Variants in JAKMIP1 observed in about 807,000 individuals in gnomAD.
JAKMIP1 encodes janus kinase and microtubule interacting protein 1.
JAKMIP1 carries 33 observed loss-of-function variants against 113.0 expected under a neutral mutation model. The observed-to-expected ratio is 0.29, with a 90% CI of 0.22 to 0.39. The LOEUF (loss-of-function observed/expected upper bound fraction) is 0.39, where lower values mean the gene tolerates loss of function less well. JAKMIP1 is among the 10% of genes least tolerant of loss of function. JAKMIP1 has a pLI of 1.00. For synonymous variants in JAKMIP1, 480 were observed against 459.9 expected, an observed-to-expected ratio of 1.04 and a Z score of -0.56; for missense variants, 813 against 1,080.5, an observed-to-expected ratio of 0.75 and a Z score of 3.47.
chr4:6,062,549 A>T, intron 9 of JAKMIP1, 109 bp from the exon 10 acceptor site: 3 of 1,200,712 alleles, frequency 2.5e-6, no homozygotes, highest in Non-Finnish European at 1.2e-6. Context: ...TATGGCTTTG[A>T]GTGCCAGGGT....
At chr4:6,057,331 G>A (rs1716612460) in intron 11 of JAKMIP1, among the ~76,000 whole-genome samples, 1 of 152,206 alleles carries the variant, frequency 6.6e-6, no homozygotes, top group South Asian at 2.1e-4. Context: ...CGCATGGGAA[G>A]CCCTCTCCAA....
At chr4:6,195,666 G>A (rs1727756039) in intron 1 of JAKMIP1, among the ~76,000 whole-genome samples, 1 of 152,138 alleles carries the variant, frequency 6.6e-6, no homozygotes, top group South Asian at 2.1e-4. Flanking sequence ...AATCCCTGGC[G>A]AGCTTCAGAG....
intron 2 of JAKMIP1, among the ~76,000 whole-genome samples, chr4:6,111,242 G>A (rs1481641121): frequency 6.6e-6 from 1 of 152,178 alleles, no homozygotes; most frequent in Non-Finnish European, 1.5e-5. Flanking sequence ...AATTCCCCAA[G>A]CAGCCTCCAC....
intron 19 of JAKMIP1, among the ~76,000 whole-genome samples, chr4:6,030,729 A>G (rs10026454): frequency 0.7 from 107,215 of 152,142 alleles, 38,378 homozygotes; most frequent in African/African-American, 0.8. Context: ...AAAATTAAAC[A>G]TGGGGTCACC....
intron 8 of JAKMIP1, among the ~76,000 whole-genome samples, chr4:6,071,883 A>G (rs1719006734): frequency 6.6e-6 from 1 of 152,238 alleles, no homozygotes; most frequent in Non-Finnish European, 1.5e-5. Context: ...CAGGTGGGAC[A>G]TGGAGCAATG....
At chr4:6,035,636 T>C (rs925076918) in intron 19 of JAKMIP1, among the ~76,000 whole-genome samples, 1 of 152,200 alleles carries the variant, frequency 6.6e-6, no homozygotes, top group Non-Finnish European at 1.5e-5. Context: ...GTGCAGATGC[T>C]GGAGAAGGAG....
chr4:6,043,928 C>A (rs1025820454), intron 16 of JAKMIP1, among the ~76,000 whole-genome samples: 2 of 152,088 alleles, frequency 1.3e-5, no homozygotes, highest in African/African-American at 4.8e-5. Flanking sequence ...CCTGTCCCCA[C>A]TGAAATCCCA....
chr4:6,159,939 A>G (rs553667089), intron 1 of JAKMIP1, among the ~76,000 whole-genome samples: 1 of 152,082 alleles, frequency 6.6e-6, no homozygotes, highest in South Asian at 2.1e-4. Flanking sequence ...GTCACAAACA[A>G]CATGATCCCA....
chr4:6,091,704 TG>T (rs746297903), intron 3 of JAKMIP1, among the ~76,000 whole-genome samples: 1 of 152,216 alleles, frequency 6.6e-6, no homozygotes, highest in Non-Finnish European at 1.5e-5. Context: ...GGCTGGAGAC[TG>T]TTCCTGAGGA....
intron 12 of JAKMIP1, chr4:6,054,845 A>G (rs1003100126): frequency 1.1e-5 from 5 of 456,644 alleles, no homozygotes; most frequent in Admixed American, 9.4e-5. Flanking sequence ...GTAAAGCCTC[A>G]TAGCACCATT....
chr4:6,042,252 G>C lies in JAKMIP1; in HGVS notation c.2029-25C>G, dbSNP rs1407927483. The C allele has an allele frequency of 6.2e-7, 1 of 1,603,348 alleles. No individual in the cohort carries two copies. The stretch of plus-strand genomic sequence containing the variant: ...ACTAGAAAACAGCAGGGACAGGACG[G>C]GTGCAGCAAAGTGAGAGTCAGAACC... On this transcript the variant is annotated intron_variant, in intron 16 of 20. Coordinates refer to ENST00000409021, the MANE Select transcript of JAKMIP1 (RefSeq NM_001099433.2). This position sits in a 1 kb window ranked among gnomAD's most constrained non-coding sequence, Gnocchi z 5.2.
At chr4:6,079,725 A>G (rs1267610193) in intron 7 of JAKMIP1, among the ~76,000 whole-genome samples, 2 of 152,218 alleles carry the variant, frequency 1.3e-5, no homozygotes, top group Non-Finnish European at 2.9e-5. Context: ...AGGCAGTCTT[A>G]GCAAGGTGCT....
intron 16 of JAKMIP1, among the ~76,000 whole-genome samples, chr4:6,048,121 AAATT>A (rs1157132397): frequency 2.0e-5 from 3 of 152,264 alleles, no homozygotes; most frequent in African/African-American, 7.2e-5. Context: ...ACTGAAATAA[AAATT>A]AAAACAATGA....
chr4:6,026,484 G>A (rs1711812897), intron 20 of JAKMIP1, among the ~76,000 whole-genome samples: 1 of 152,112 alleles, frequency 6.6e-6, no homozygotes, highest in Admixed American at 6.6e-5. Flanking sequence ...TCCACACTCA[G>A]GGTGGGTTAT....
rs1173424722 is a variant in JAKMIP1, at chr4:6,156,470, C to T, written c.-147-43473G>A. 6.6e-6 allele frequency among the ~76,000 whole-genome samples: 1 copy of T among 152,320 alleles called. No homozygotes were observed. The highest frequency in any genetic ancestry group is 2.4e-5 in the African/African-American group (1 of 41,562). ...CTGATTTAAAAGTTTAAATTAGCTG[C>T]CAACACAGCTAACAGATTGTTGTGC... On this transcript the variant is annotated intron_variant, in intron 1 of 20. Coordinates refer to ENST00000409021, the MANE Select transcript of JAKMIP1 (RefSeq NM_001099433.2). The surrounding 1 kb of genome is among the most constrained non-coding windows in gnomAD (Gnocchi z 5.0).
At chr4:6,149,610 T>A in intron 1 of JAKMIP1, among the ~76,000 whole-genome samples, 1 of 152,178 alleles carries the variant, frequency 6.6e-6, no homozygotes, top group Non-Finnish European at 1.5e-5. Flanking sequence ...ATTAAAGAAA[T>A]AGGGCAAAAA....
chr4:6,126,625 CACACAA>C (rs1252324048), intron 1 of JAKMIP1, among the ~76,000 whole-genome samples: 1 of 150,216 alleles, frequency 6.7e-6, no homozygotes, highest in Admixed American at 6.6e-5. Flanking sequence ...AACACACACA[CACACAA>C]ACACACACCA....
rs1723973000 is a variant in JAKMIP1, at chr4:6,168,797, G to A, written c.-148+31456C>T. On this transcript the variant is annotated intron_variant, in intron 1 of 20. Transcript: ENST00000409021. This position sits in a 1 kb window ranked among gnomAD's most constrained non-coding sequence, Gnocchi z 4.6. Reference sequence around the variant, plus strand: ...CCCCTGTGGTCCCAGCTACTTGGGAGGCTGATGTGGGAGAATCACTTGAGC... The same window carrying A: ...CCCCTGTGGTCCCAGCTACTTGGGAAGCTGATGTGGGAGAATCACTTGAGC... Among the ~76,000 whole-genome samples, 1 of 152,106 alleles carries A rather than the reference G, an allele frequency of 6.6e-6. No homozygotes were observed. The highest frequency in any genetic ancestry group is 1.5e-5 in the Non-Finnish European group (1 of 68,022).
chr4:6,105,361 G>C, intron 3 of JAKMIP1, 112 bp downstream of exon 3: 2 of 1,167,926 alleles, frequency 1.7e-6, no homozygotes, highest in African/African-American at 3.1e-5. Context: ...TGGGGCCCCA[G>C]TGCTTTGAAC....
Sources: gnomAD v4.1 joint callset for allele counts (sites outside exome capture counted in the v4.1 genomes callset) on GRCh38, gnomAD v4.1.1 for gene constraint, Gnocchi (gnomAD v3.1) non-coding constraint, MANE v1.5 for transcripts, NCBI Gene and HGNC (gene_info 2026-07-23, HGNC 2026-07-21) for gene names.